The following DZIP1 variants were observed in gnomAD, a reference collection of about 807,000 sequenced individuals.
DZIP1 encodes the protein cilium assembly protein DZIP1.
A neutral mutation model predicts 107.6 loss-of-function variants in DZIP1; 97 were observed. The observed-to-expected ratio is 0.90, with a 90% CI of 0.77 to 1.07. The LOEUF (loss-of-function observed/expected upper bound fraction) is 1.07, where lower values mean the gene tolerates loss of function less well. Ranked by LOEUF, DZIP1 falls within the 50% of genes least tolerant of loss-of-function variation. The probability of loss-of-function intolerance (pLI) is 0.00; values close to 1 mark genes in which losing one functional copy is unlikely to be tolerated. For synonymous variants in DZIP1, 390 were observed against 386.4 expected, an observed-to-expected ratio of 1.01 and a Z score of -0.11; for missense variants, 1,035 against 1,063.6, an observed-to-expected ratio of 0.97 and a Z score of 0.37.
At chr13:95,582,413 C>A in intron 22 of DZIP1, 100 bp from the exon 23 acceptor site, 1 of 1,002,092 alleles carries the variant, frequency 1.0e-6, no homozygotes, top group Non-Finnish European at 1.6e-6. Context: ...TCATTAATCA[C>A]TCAGTGTCTA....
chr13:95,604,808 C>T (rs2044724060), intron 14 of DZIP1, among the ~76,000 whole-genome samples: 1 of 152,144 alleles, frequency 6.6e-6, no homozygotes, highest in Admixed American at 6.5e-5. Flanking sequence ...GCCAGCAATG[C>T]TTTACAAAGG....
chr13:95,617,862 G>A, intron 10 of DZIP1: 1 of 517,664 alleles, frequency 1.9e-6, no homozygotes, highest in East Asian at 5.5e-5. Context: ...GGAAAGTACA[G>A]AAGAACTGGT....
chr13:95,622,218 A>G, intron 9 of DZIP1, 125 bp downstream of exon 9: 1 of 1,215,482 alleles, frequency 8.2e-7, no homozygotes, highest in Non-Finnish European at 1.1e-6. Flanking sequence ...GAGAAAAATA[A>G]CAGCTAGTCA....
chr13:95,621,379 T>G (rs1875825545), intron 9 of DZIP1, among the ~76,000 whole-genome samples: 1 of 152,124 alleles, frequency 6.6e-6, no homozygotes, highest in African/African-American at 2.4e-5. Context: ...ACTGAAGGAC[T>G]TCAGACAGGA....
At chr13:95,618,854 C>G (rs1875473214) in intron 10 of DZIP1, among the ~76,000 whole-genome samples, 1 of 152,150 alleles carries the variant, frequency 6.6e-6, no homozygotes, top group Non-Finnish European at 1.5e-5. Flanking sequence ...GTACAAAACA[C>G]AATTTCAAGT....
At chr13:95,587,295 C>T (rs1399079645) in intron 20 of DZIP1, among the ~76,000 whole-genome samples, 1 of 152,184 alleles carries the variant, frequency 6.6e-6, no homozygotes, top group East Asian at 1.9e-4. Context: ...CCTTAAGCCA[C>T]CCAGTTTATG....
chr13:95,607,052 A>AT (rs869120324), intron 13 of DZIP1, among the ~76,000 whole-genome samples: 5 of 129,892 alleles, frequency 3.8e-5, no homozygotes, highest in African/African-American at 5.7e-5. Context: ...TTTTTATTTT[A>AT]TTTTTTTTTA....
intron 5 of DZIP1, among the ~76,000 whole-genome samples, chr13:95,636,214 C>T (rs1365545449): frequency 1.4e-5 from 2 of 144,964 alleles, no homozygotes; most frequent in Non-Finnish European, 3.1e-5. Context: ...AAAAAAAGAT[C>T]TGAAACATCA....
At chr13:95,625,528 CTTTT>C (rs1180210497) in intron 7 of DZIP1, among the ~76,000 whole-genome samples, 1 of 152,126 alleles carries the variant, frequency 6.6e-6, no homozygotes, top group Non-Finnish European at 1.5e-5. Context: ...CCAGGAAGAC[CTTTT>C]TTTAAGTCCA....
At position 95,641,975 on chromosome 13, in the gene DZIP1, C is replaced by A; in HGVS notation, c.36+19G>T. On this transcript the variant is annotated intron_variant, in intron 4 of 22. Coordinates refer to ENST00000376829, the MANE Select transcript of DZIP1 (RefSeq NM_198968.4). This position sits in a 1 kb window ranked among gnomAD's most constrained non-coding sequence, Gnocchi z 4.3. Reference sequence around the variant, plus strand: ...GCCCGGCATCCCCGTCGGGGGCGCCCCGGCCTCCCGCCTCTTACCATGCTT... The same window carrying A: ...GCCCGGCATCCCCGTCGGGGGCGCCACGGCCTCCCGCCTCTTACCATGCTT... The A allele has an allele frequency of 6.3e-7, 1 of 1,575,604 alleles. No homozygotes were observed. Among genetic ancestry groups the A allele is most frequent in the Non-Finnish European group, 8.6e-7 (1 of 1,166,390 alleles).
chr13:95,631,662 A>G (rs189166197), intron 6 of DZIP1, among the ~76,000 whole-genome samples: 3 of 151,382 alleles, frequency 2.0e-5, no homozygotes, highest in Admixed American at 6.6e-5. Flanking sequence ...TTTGCATACC[A>G]TCTATATTGT....
intron 8 of DZIP1, among the ~76,000 whole-genome samples, chr13:95,624,544 A>C (rs991737540): frequency 3.3e-5 from 5 of 152,214 alleles, no homozygotes; most frequent in African/African-American, 1.2e-4. Context: ...TCTATATCTC[A>C]CCACGAGTGT....
intron 13 of DZIP1, 70 bp from the exon 14 acceptor site, chr13:95,606,129 A>G: frequency 6.6e-7 from 1 of 1,506,856 alleles, no homozygotes; most frequent in South Asian, 1.1e-5. Flanking sequence ...ACATGATGGT[A>G]GCCAAATATG....
chr13:95,621,587 T>A (rs1434045408), intron 9 of DZIP1, among the ~76,000 whole-genome samples: 1 of 151,508 alleles, frequency 6.6e-6, no homozygotes, highest in Non-Finnish European at 1.5e-5. Flanking sequence ...AAAAAATTGT[T>A]CCCCTAAACC....
intron 13 of DZIP1, among the ~76,000 whole-genome samples, chr13:95,608,591 T>C (rs375688179): frequency 6.6e-5 from 10 of 152,272 alleles, no homozygotes; most frequent in African/African-American, 1.9e-4. Flanking sequence ...TCATAAGATG[T>C]AAGTTCAGCA....
chr13:95,609,578 C>A, intron 12 of DZIP1, 65 bp from the exon 13 acceptor site: 2 of 1,246,806 alleles, frequency 1.6e-6, no homozygotes, highest in South Asian at 1.5e-5. Context: ...TTTTGTAGCC[C>A]TTATACTAAT....
Position 95,641,948 on chromosome 13 carries a change from C to A in DZIP1, c.36+46G>T. 1.3e-6 allele frequency: 2 copies of A among 1,550,720 alleles called. No homozygotes were observed. Among genetic ancestry groups the A allele is most frequent in the South Asian group, 1.2e-5 (1 of 83,446 alleles). On this transcript the variant is annotated intron_variant, in intron 4 of 22. Transcript: ENST00000376829. The surrounding 1 kb of genome is among the most constrained non-coding windows in gnomAD (Gnocchi z 4.3). ...GGTCCGGGGAAGCCCCGGTTCTCCC[C>A]AGCCCGGCATCCCCGTCGGGGGCGC...
intron 14 of DZIP1, among the ~76,000 whole-genome samples, chr13:95,601,590 T>G (rs547454892): frequency 1.2e-4 from 19 of 152,252 alleles, no homozygotes; most frequent in African/African-American, 4.6e-4. Flanking sequence ...CTTGTACCTT[T>G]CTGGACCATC....
intron 10 of DZIP1, among the ~76,000 whole-genome samples, chr13:95,616,118 C>A (rs1011069782): frequency 4.6e-5 from 7 of 152,188 alleles, no homozygotes; most frequent in African/African-American, 1.7e-4. Flanking sequence ...GTGGAGCCAC[C>A]TGTGGTGCAG....
Sources: gnomAD v4.1 joint callset for allele counts (sites outside exome capture counted in the v4.1 genomes callset) on GRCh38, gnomAD v4.1.1 for gene constraint, Gnocchi (gnomAD v3.1) non-coding constraint, MANE v1.5 for transcripts, NCBI Gene and HGNC (gene_info 2026-07-23, HGNC 2026-07-21) for gene names.